Variants in TCF7L1 observed in about 807,000 individuals in gnomAD.
TCF7L1 encodes transcription factor 7-like 1.
Under a neutral mutation model 63.7 loss-of-function variants are expected in TCF7L1, and 18 were observed. The ratio of observed to expected loss-of-function variants is 0.28; its 90% CI spans 0.20 to 0.42. TCF7L1 has a LOEUF of 0.42. TCF7L1 is among the 10% of genes least tolerant of loss of function. TCF7L1 has a pLI of 1.00. For synonymous variants in TCF7L1, 355 were observed against 340.9 expected (o/e 1.04, Z -0.46); for missense variants, 654 against 779.3 (o/e 0.84, Z 1.91).
At chr2:85,301,560 G>C (rs1018625628) in intron 4 of TCF7L1, among the ~76,000 whole-genome samples, 3 of 151,306 alleles carry the variant, frequency 2.0e-5, no homozygotes, top group African/African-American at 7.3e-5. Flanking sequence ...TGTGTCTGTG[G>C]CGTGCCAGCG....
chr2:85,152,020 T>G (rs1386539082), intron 3 of TCF7L1, among the ~76,000 whole-genome samples: 1 of 152,246 alleles, frequency 6.6e-6, no homozygotes, highest in South Asian at 2.1e-4. Context: ...ACTTAATGTC[T>G]TTCAATCCAT....
chr2:85,166,115 CAGT>C (rs1678411966), intron 3 of TCF7L1, among the ~76,000 whole-genome samples: 1 of 152,220 alleles, frequency 6.6e-6, no homozygotes, highest in Non-Finnish European at 1.5e-5. Flanking sequence ...CCTCAGGTCA[CAGT>C]GGTGGTTGTA....
chr2:85,171,355 G>A (rs1205444153), intron 3 of TCF7L1, among the ~76,000 whole-genome samples: 4 of 152,194 alleles, frequency 2.6e-5, no homozygotes, highest in Non-Finnish European at 5.9e-5. Context: ...GAATGATTTG[G>A]GGGTGCTGTT....
intron 3 of TCF7L1, among the ~76,000 whole-genome samples, chr2:85,239,358 G>T (rs1271265740): frequency 1.3e-5 from 2 of 152,102 alleles, no homozygotes; most frequent in Non-Finnish European, 2.9e-5. Context: ...CACGGACACA[G>T]ACCCCAGGCA....
At chr2:85,283,256 T>G in intron 3 of TCF7L1, among the ~76,000 whole-genome samples, 1 of 104,672 alleles carries the variant, frequency 9.6e-6, no homozygotes, top group African/African-American at 3.7e-5. Context: ...AGCTTAGTTG[T>G]CATTCGTGTC....
At chr2:85,289,629 T>A (rs768611519) in intron 4 of TCF7L1, among the ~76,000 whole-genome samples, 1 of 152,208 alleles carries the variant, frequency 6.6e-6, no homozygotes, top group Non-Finnish European at 1.5e-5. Context: ...TCTTCCTGGT[T>A]GCCTTTTATT....
intron 3 of TCF7L1, among the ~76,000 whole-genome samples, chr2:85,219,871 G>A (rs1008567021): frequency 2.0e-5 from 3 of 152,224 alleles, no homozygotes; most frequent in African/African-American, 7.2e-5. Context: ...GTATTTGAGG[G>A]TAAGGTGTTA....
chr2:85,215,629 A>G (rs2104294757), intron 3 of TCF7L1, among the ~76,000 whole-genome samples: 1 of 152,222 alleles, frequency 6.6e-6, no homozygotes, highest in East Asian at 1.9e-4. Flanking sequence ...GGGTGGGAGC[A>G]CTGTGATTTA....
intron 3 of TCF7L1, among the ~76,000 whole-genome samples, chr2:85,200,783 A>C (rs1159190623): frequency 6.6e-6 from 1 of 152,226 alleles, no homozygotes; most frequent in Non-Finnish European, 1.5e-5. Context: ...AGAGATGAGC[A>C]GCTCACATAG....
intron 3 of TCF7L1, among the ~76,000 whole-genome samples, chr2:85,210,088 G>A (rs549567497): frequency 1.3e-5 from 2 of 152,292 alleles, no homozygotes; most frequent in South Asian, 4.1e-4. Flanking sequence ...GTCTTCACAG[G>A]TCAGTGTTGA....
At chr2:85,278,905 A>T (rs1432266391) in intron 3 of TCF7L1, among the ~76,000 whole-genome samples, 1 of 152,226 alleles carries the variant, frequency 6.6e-6, no homozygotes, top group Non-Finnish European at 1.5e-5. Flanking sequence ...AGCACCCCAG[A>T]AGTGGGAGCG....
chr2:85,189,509 A>G (rs983085564), intron 3 of TCF7L1, among the ~76,000 whole-genome samples: 2 of 152,216 alleles, frequency 1.3e-5, no homozygotes, highest in African/African-American at 4.8e-5. Context: ...CTAGCCCTCT[A>G]AGGCTTCTCC....
chr2:85,269,596 C>T (rs1050338496), intron 3 of TCF7L1, among the ~76,000 whole-genome samples: 2 of 152,150 alleles, frequency 1.3e-5, no homozygotes, highest in Non-Finnish European at 2.9e-5. Context: ...GCGTGAGCCA[C>T]CACACCCAGC....
intron 3 of TCF7L1, among the ~76,000 whole-genome samples, chr2:85,180,906 A>G (rs940266722): frequency 6.6e-6 from 1 of 152,252 alleles, no homozygotes; most frequent in Admixed American, 6.5e-5. Flanking sequence ...CCTCCCTGGC[A>G]GGTCTGAAGC....
chr2:85,297,752 T>C (rs572208138), intron 4 of TCF7L1, among the ~76,000 whole-genome samples: 14 of 151,876 alleles, frequency 9.2e-5, no homozygotes, highest in African/African-American at 3.1e-4. Flanking sequence ...ACCACTACAC[T>C]CCAGCCTGGG....
intron 3 of TCF7L1, among the ~76,000 whole-genome samples, chr2:85,209,638 C>T (rs1291849701): frequency 1.3e-5 from 2 of 152,148 alleles, no homozygotes; most frequent in African/African-American, 4.8e-5. Context: ...AGAATCATCA[C>T]AGGTGCTTGT....
chr2:85,295,464 G>C lies in TCF7L1; in HGVS notation c.526-7020G>C, dbSNP rs538031161. ...GATCTGCCCGCCTCGGCCTCCCAAA[G>C]TGCTGGGATTACAGGCATGAGCCAC... On this transcript the variant is annotated intron_variant, in intron 4 of 11. Transcript: ENST00000282111. Among the ~76,000 whole-genome samples, 15 of 152,058 alleles carry C rather than the reference G, an allele frequency of 9.9e-5. No homozygotes were observed. In the East Asian group the frequency reaches 2.7e-3, roughly 28 times the overall value.
chr2:85,234,813 C>T (rs1359804776), intron 3 of TCF7L1, among the ~76,000 whole-genome samples: 6 of 152,120 alleles, frequency 3.9e-5, no homozygotes, highest in Non-Finnish European at 8.8e-5. Flanking sequence ...GTGAGGTCAG[C>T]TTGAGTGTGC....
At chr2:85,290,978 T>A (rs1033810484) in intron 4 of TCF7L1, among the ~76,000 whole-genome samples, 1 of 152,268 alleles carries the variant, frequency 6.6e-6, no homozygotes, top group Non-Finnish European at 1.5e-5. Flanking sequence ...TTCTTCCCTC[T>A]TCTTGAAAGA....
Sources: gnomAD v4.1 joint callset for allele counts (sites outside exome capture counted in the v4.1 genomes callset) on GRCh38, gnomAD v4.1.1 for gene constraint, MANE v1.5 for transcripts, NCBI Gene and HGNC (gene_info 2026-07-23, HGNC 2026-07-21) for gene names.